The following VPS45 variants were observed in gnomAD, a reference collection of about 807,000 sequenced individuals.
VPS45 encodes vacuolar protein sorting 45 homolog, also known as vacuolar protein sorting-associated protein 45.
In VPS45, 35 loss-of-function variants were observed where a neutral mutation model predicts 75.9. That is an observed-to-expected ratio of 0.46 (90% CI 0.35 to 0.61). The LOEUF is 0.61. VPS45 is among the 20% of genes least tolerant of loss of function. The pLI, the probability that VPS45 is intolerant of heterozygous loss-of-function variation, is 0.00. For synonymous variants in VPS45, 220 were observed against 238.2 expected, an observed-to-expected ratio of 0.92 and a Z score of 0.70; for missense variants, 559 against 685.9, an observed-to-expected ratio of 0.81 and a Z score of 2.07.
intron 13 of VPS45, among the ~76,000 whole-genome samples, chr1:150,100,796 G>T (rs1257676051): frequency 6.6e-6 from 1 of 152,134 alleles, no homozygotes; most frequent in African/African-American, 2.4e-5. Flanking sequence ...ATTGAAGCTG[G>T]ACCCCTTCCT....
At chr1:150,115,828 T>G (rs1480373690) in intron 14 of VPS45, among the ~76,000 whole-genome samples, 1 of 152,216 alleles carries the variant, frequency 6.6e-6, no homozygotes, top group Non-Finnish European at 1.5e-5. Context: ...ATTTATTTTC[T>G]TACCGAGGCC....
intron 2 of VPS45, 84 bp from the exon 3 acceptor site, chr1:150,072,082 A>G (rs1013771945): frequency 6.4e-6 from 8 of 1,242,314 alleles, no homozygotes; most frequent in African/African-American, 1.5e-5. Flanking sequence ...CGCAGTAAAT[A>G]AACAAATCAA....
chr1:150,102,288 G>A (rs1250212064), intron 13 of VPS45, among the ~76,000 whole-genome samples: 1 of 148,780 alleles, frequency 6.7e-6, no homozygotes, highest in Non-Finnish European at 1.5e-5. Flanking sequence ...GGTGGCTCAT[G>A]CCTGTAATCC....
chr1:150,100,267 A>G (rs1331133357), intron 13 of VPS45, among the ~76,000 whole-genome samples: 1 of 152,238 alleles, frequency 6.6e-6, no homozygotes, highest in Admixed American at 6.5e-5. Context: ...CTAGGAATAC[A>G]GCTAACCAGG....
intron 9 of VPS45, among the ~76,000 whole-genome samples, chr1:150,082,483 C>A (rs1571833652): frequency 6.8e-6 from 1 of 146,688 alleles, no homozygotes; most frequent in Non-Finnish European, 1.5e-5. Flanking sequence ...CACTACACTC[C>A]AGCCTGGGCA....
At chr1:150,130,373 G>C (rs1384356943) in intron 14 of VPS45, among the ~76,000 whole-genome samples, 2 of 151,308 alleles carry the variant, frequency 1.3e-5, no homozygotes, top group African/African-American at 2.4e-5. Flanking sequence ...ATTTTTTGTA[G>C]AGAGAGGGTT....
chr1:150,091,306 T>TA (rs1486022668), intron 10 of VPS45, among the ~76,000 whole-genome samples: 1 of 152,240 alleles, frequency 6.6e-6, no homozygotes, highest in Non-Finnish European at 1.5e-5. Context: ...TGCTGCATAA[T>TA]AAATATAAAT....
intron 14 of VPS45, among the ~76,000 whole-genome samples, chr1:150,124,310 T>C (rs1476674041): frequency 6.6e-6 from 1 of 151,604 alleles, no homozygotes; most frequent in Non-Finnish European, 1.5e-5. Context: ...AATACAAAAA[T>C]CAGTCAGACG....
intron 10 of VPS45, among the ~76,000 whole-genome samples, chr1:150,088,434 AATATATAT>A (rs200780573): frequency 1.9e-3 from 233 of 125,534 alleles, no homozygotes; most frequent in African/African-American, 6.6e-3. Flanking sequence ...CTGAATAATA[AATATATAT>A]ATATATATAT....
intron 3 of VPS45, among the ~76,000 whole-genome samples, chr1:150,074,300 G>A (rs1655247680): frequency 6.6e-6 from 1 of 151,982 alleles, no homozygotes; most frequent in South Asian, 2.1e-4. Context: ...TGGGATTACA[G>A]GCATGAGCCA....
intron 14 of VPS45, among the ~76,000 whole-genome samples, chr1:150,133,978 C>G (rs1658952627): frequency 6.6e-6 from 1 of 151,652 alleles, no homozygotes; most frequent in Non-Finnish European, 1.5e-5. Flanking sequence ...CTCCTGTTTG[C>G]TTCTTTGTTT....
intron 13 of VPS45, among the ~76,000 whole-genome samples, chr1:150,095,994 T>TGG (rs1656628740): frequency 6.6e-6 from 1 of 151,788 alleles, no homozygotes; most frequent in African/African-American, 2.4e-5. Context: ...AGGTGAGAAA[T>TGG]GGAAGTGGTT....
chr1:150,122,080 G>C (rs1263250013), intron 14 of VPS45, among the ~76,000 whole-genome samples: 6 of 152,116 alleles, frequency 3.9e-5, no homozygotes, highest in African/African-American at 7.2e-5. Context: ...CAGCACTTTG[G>C]GGGGCCAAGG....
chr1:150,142,869 T>C, intron 14 of VPS45: 1 of 451,326 alleles, frequency 2.2e-6, no homozygotes, highest in Non-Finnish European at 4.4e-6. Flanking sequence ...CCCTGCCTGG[T>C]TTCGAACTCC....
intron 2 of VPS45, among the ~76,000 whole-genome samples, chr1:150,069,647 A>G (rs587620352): frequency 9.9e-5 from 15 of 151,684 alleles, no homozygotes; most frequent in East Asian, 9.7e-4. Flanking sequence ...TAGTAGAGAC[A>G]GGGTTTCACT....
At chr1:150,115,842 G>A (rs1657904244) in intron 14 of VPS45, among the ~76,000 whole-genome samples, 1 of 152,074 alleles carries the variant, frequency 6.6e-6, no homozygotes, top group Non-Finnish European at 1.5e-5. Context: ...CGAGGCCTAA[G>A]CCTTCTTTCC....
At chr1:150,133,387 TA>T (rs1170038164) in intron 14 of VPS45, among the ~76,000 whole-genome samples, 2 of 149,756 alleles carry the variant, frequency 1.3e-5, no homozygotes, top group Non-Finnish European at 3.0e-5. Context: ...CCATCTCTAC[TA>T]AAAAAAAATA....
upstream of VPS45, chr1:150,067,619 T>C (rs1654789971): frequency 4.3e-5 from 22 of 508,068 alleles, no homozygotes; most frequent in South Asian, 6.6e-4. Flanking sequence ...GGGTGGAGAA[T>C]AACGCCCGCG....
At chr1:150,102,547 C>CAA (rs782571283) in intron 13 of VPS45, among the ~76,000 whole-genome samples, 136,163 of 143,116 alleles carry the variant, frequency 0.95, 64,869 homozygotes, top group East Asian at 0.99. Flanking sequence ...AACTCTGTCT[C>CAA]AAAAAAAAAA....
Sources: gnomAD v4.1 joint callset for allele counts (sites outside exome capture counted in the v4.1 genomes callset) on GRCh38, gnomAD v4.1.1 for gene constraint, MANE v1.5 for transcripts, NCBI Gene and HGNC (gene_info 2026-07-23, HGNC 2026-07-21) for gene names.